CALN1: variants seen among roughly 807,000 people sequenced by gnomAD.
CALN1 encodes calneuron 1, also known as calcium-binding protein 8.
Under a neutral mutation model 30.6 loss-of-function variants are expected in CALN1, and 17 were observed. The ratio of observed to expected loss-of-function variants is 0.56; its 90% CI spans 0.38 to 0.83. The LOEUF (loss-of-function observed/expected upper bound fraction) is 0.83, where lower values mean the gene tolerates loss of function less well. Ranked by LOEUF, CALN1 falls within the 40% of genes least tolerant of loss-of-function variation. CALN1 has a pLI of 0.00. For missense variants in CALN1, 291 were observed against 354.9 expected, an observed-to-expected ratio of 0.82 and a Z score of 1.45; for synonymous variants, 156 against 131.4, an observed-to-expected ratio of 1.19 and a Z score of -1.28.
At chr7:72,110,487 A>G (rs780187740) in intron 3 of CALN1, among the ~76,000 whole-genome samples, 3 of 152,178 alleles carry the variant, frequency 2.0e-5, no homozygotes, top group African/African-American at 4.8e-5. Flanking sequence ...CAGGCCACAC[A>G]TCAGCTCAGG....
At chr7:72,385,852 G>A (rs1050733113) in intron 2 of CALN1, among the ~76,000 whole-genome samples, 11 of 152,176 alleles carry the variant, frequency 7.2e-5, no homozygotes, top group Admixed American at 5.9e-4. Context: ...TAACTTTCCT[G>A]AGGCCTCCCT....
intron 2 of CALN1, among the ~76,000 whole-genome samples, chr7:72,296,048 A>C (rs1040571546): frequency 2.6e-5 from 4 of 152,072 alleles, no homozygotes; most frequent in African/African-American, 9.7e-5. Flanking sequence ...ATCAATACCT[A>C]ATTTACTGAG....
chr7:71,923,124 T>A (rs1795065977), intron 5 of CALN1, among the ~76,000 whole-genome samples: 1 of 151,730 alleles, frequency 6.6e-6, no homozygotes, highest in Non-Finnish European at 1.5e-5. Context: ...AATTTATTTT[T>A]GGCCCAGCCC....
At chr7:71,967,926 T>C (rs1797609632) in intron 5 of CALN1, among the ~76,000 whole-genome samples, 1 of 152,216 alleles carries the variant, frequency 6.6e-6, no homozygotes, top group Non-Finnish European at 1.5e-5. Flanking sequence ...CTCTCATATA[T>C]TGCTGGTAGG....
intron 5 of CALN1, among the ~76,000 whole-genome samples, chr7:71,815,749 TTCC>T (rs978223850): frequency 1.4e-5 from 2 of 147,908 alleles, no homozygotes; most frequent in African/African-American, 2.5e-5. Flanking sequence ...TTCCATTCCC[TTCC>T]TCCTTCTTTC....
chr7:71,844,918 C>A (rs1790141419), intron 5 of CALN1, among the ~76,000 whole-genome samples: 1 of 152,058 alleles, frequency 6.6e-6, no homozygotes, highest in African/African-American at 2.4e-5. Context: ...GAGACAGAAT[C>A]TTGCTCTGTT....
At position 72,290,912 on chromosome 7, in the gene CALN1, T is replaced by C. The variant is rs553767935; in HGVS notation, c.120-12102A>G. ...TTTCATTATGATTCCTATACTTTCT[T>C]TCACCTTTTAACCATTTTTTTTTTT... On this transcript the variant is annotated intron_variant, in intron 2 of 6. Transcript: ENST00000395275. Among the ~76,000 whole-genome samples, 928 of 141,810 alleles carry C rather than the reference T, an allele frequency of 6.5e-3. 15 individuals are homozygous for C. Among genetic ancestry groups the C allele is most frequent in the African/African-American group, 0.023 (879 of 37,828 alleles). The allele number at this position is 141,810 out of a possible 152,430, so 93.0% of individuals were successfully genotyped here.
At chr7:72,064,228 G>T (rs1001872762) in intron 4 of CALN1, among the ~76,000 whole-genome samples, 2 of 151,150 alleles carry the variant, frequency 1.3e-5, no homozygotes, top group African/African-American at 2.4e-5. Context: ...GTTGCAGTGA[G>T]CTGAGATCGT....
At chr7:71,807,841 C>A (rs143428853) in intron 6 of CALN1, among the ~76,000 whole-genome samples, 1 of 151,966 alleles carries the variant, frequency 6.6e-6, no homozygotes, top group Non-Finnish European at 1.5e-5. Flanking sequence ...TTTGGGAGGC[C>A]GAGGTGGGCG....
At chr7:72,093,493 C>T (rs903144488) in intron 4 of CALN1, among the ~76,000 whole-genome samples, 2 of 152,128 alleles carry the variant, frequency 1.3e-5, no homozygotes, top group Non-Finnish European at 2.9e-5. Flanking sequence ...AAAGGGGATA[C>T]TAGTATCTAC....
chr7:71,814,730 C>T (rs1008294428), intron 5 of CALN1, among the ~76,000 whole-genome samples: 4 of 152,064 alleles, frequency 2.6e-5, no homozygotes, highest in African/African-American at 9.7e-5. Context: ...AACTTACTTC[C>T]TCCTCTTTAT....
intron 5 of CALN1, among the ~76,000 whole-genome samples, chr7:71,839,579 T>C (rs978680871): frequency 2.0e-5 from 3 of 152,208 alleles, no homozygotes; most frequent in Non-Finnish European, 2.9e-5. Flanking sequence ...AATCATTTTA[T>C]GGATTCTGTG....
At chr7:72,055,766 C>T (rs1185144638) in intron 4 of CALN1, among the ~76,000 whole-genome samples, 2 of 152,114 alleles carry the variant, frequency 1.3e-5, no homozygotes, top group South Asian at 4.1e-4. Context: ...AATGCTAACG[C>T]TCTGGGGGGC....
intron 3 of CALN1, among the ~76,000 whole-genome samples, chr7:72,227,373 C>G (rs980256121): frequency 1.3e-5 from 2 of 151,930 alleles, no homozygotes; most frequent in Non-Finnish European, 2.9e-5. Flanking sequence ...AACCCTGTCT[C>G]TATTAAAAAT....
chr7:72,404,599 G>C (rs543855142), intron 1 of CALN1, among the ~76,000 whole-genome samples: 1 of 152,120 alleles, frequency 6.6e-6, no homozygotes, highest in African/African-American at 2.4e-5. Flanking sequence ...GAAACACACA[G>C]ATGAGTCTCC....
At chr7:72,122,889 C>G (rs918578901) in intron 3 of CALN1, among the ~76,000 whole-genome samples, 3 of 152,170 alleles carry the variant, frequency 2.0e-5, no homozygotes, top group African/African-American at 7.2e-5. Context: ...GACATCTAAG[C>G]AGTACTAAAG....
intron 1 of CALN1, among the ~76,000 whole-genome samples, chr7:72,404,647 G>T (rs2129562231): frequency 6.6e-6 from 1 of 152,278 alleles, no homozygotes; most frequent in East Asian, 1.9e-4. Context: ...TGTATCCTGG[G>T]AAGAGTCCCT....
chr7:72,377,945 G>C (rs1180607254), intron 2 of CALN1, among the ~76,000 whole-genome samples: 2 of 152,040 alleles, frequency 1.3e-5, no homozygotes, highest in Non-Finnish European at 2.9e-5. Context: ...GAATATATTG[G>C]AGTTTTTCAA....
intron 4 of CALN1, among the ~76,000 whole-genome samples, chr7:72,088,025 A>G (rs1326081846): frequency 6.6e-6 from 1 of 152,118 alleles, no homozygotes; most frequent in Non-Finnish European, 1.5e-5. Context: ...AAAATTTGCC[A>G]GGTGTGGTTG....
Sources: gnomAD v4.1 joint callset for allele counts (sites outside exome capture counted in the v4.1 genomes callset) on GRCh38, gnomAD v4.1.1 for gene constraint, MANE v1.5 for transcripts, NCBI Gene and HGNC (gene_info 2026-07-23, HGNC 2026-07-21) for gene names.